The following DLC1 variants were observed in gnomAD, a reference collection of about 807,000 sequenced individuals.
The protein encoded by DLC1 is rho GTPase-activating protein 7.
DLC1 carries 54 observed loss-of-function variants against 140.3 expected under a neutral mutation model. The ratio of observed to expected loss-of-function variants is 0.38; its 90% CI spans 0.31 to 0.48. DLC1 has a LOEUF of 0.48. Ranked by LOEUF, DLC1 falls within the 20% of genes least tolerant of loss-of-function variation. The pLI is 0.96. For synonymous variants in DLC1, 986 were observed against 728.1 expected (o/e 1.35, Z -5.70); for missense variants, 2,536 against 1,907.0 (o/e 1.33, Z -6.14).
chr8:13,232,617 C>G (rs1829102068), intron 5 of DLC1, among the ~76,000 whole-genome samples: 1 of 152,182 alleles, frequency 6.6e-6, no homozygotes, highest in African/African-American at 2.4e-5. Flanking sequence ...AGGCATGAGC[C>G]ACGGTGCCCC....
chr8:13,575,472 G>A (rs73212144), intron 1 of DLC1, among the ~76,000 whole-genome samples: 16,765 of 151,792 alleles, frequency 0.11, 997 homozygotes, highest in Middle Eastern at 0.21. Flanking sequence ...ATCTGGGCTG[G>A]GGCTTGGATA....
At chr8:13,417,450 A>C (rs1838120767) in intron 2 of DLC1, among the ~76,000 whole-genome samples, 1 of 151,238 alleles carries the variant, frequency 6.6e-6, no homozygotes, top group Non-Finnish European at 1.5e-5. Flanking sequence ...ATGAGTGAGA[A>C]TATGTGGTGT....
At chr8:13,338,723 A>C (rs1833908254) in intron 4 of DLC1, 1 of 152,140 alleles carries the variant, frequency 6.6e-6, no homozygotes, top group Admixed American at 6.5e-5. Context: ...TCATCCCAAA[A>C]ACCAGTGGTT....
chr8:13,314,257 C>T (rs961216098), intron 4 of DLC1, among the ~76,000 whole-genome samples: 3 of 147,396 alleles, frequency 2.0e-5, no homozygotes, highest in African/African-American at 7.4e-5. Flanking sequence ...CATGTGTATA[C>T]ATATTATATA....
At chr8:13,585,041 C>T (rs1024795132) in intron 1 of DLC1, among the ~76,000 whole-genome samples, 22 of 152,132 alleles carry the variant, frequency 1.4e-4, no homozygotes, top group African/African-American at 5.3e-4. Context: ...ACTCCTGGAA[C>T]TCTAAATACT....
chr8:13,192,758 A>G (rs1826835744), intron 5 of DLC1, among the ~76,000 whole-genome samples: 1 of 152,176 alleles, frequency 6.6e-6, no homozygotes, highest in African/African-American at 2.4e-5. Context: ...TGGTCTCATA[A>G]GAAGAGGAAG....
At chr8:13,441,873 C>A (rs1051471864) in intron 2 of DLC1, among the ~76,000 whole-genome samples, 3 of 152,182 alleles carry the variant, frequency 2.0e-5, no homozygotes, top group African/African-American at 7.2e-5. Flanking sequence ...TCATATGGAA[C>A]CAAAAAAGGG....
chr8:13,437,676 T>G (rs142134788), intron 2 of DLC1, among the ~76,000 whole-genome samples: 1 of 152,298 alleles, frequency 6.6e-6, no homozygotes, highest in African/African-American at 2.4e-5. Context: ...GACAACTGTG[T>G]AGGCAGAGCT....
At chr8:13,172,002 C>A (rs932073281) in intron 5 of DLC1, among the ~76,000 whole-genome samples, 1 of 151,804 alleles carries the variant, frequency 6.6e-6, no homozygotes, top group African/African-American at 2.4e-5. Flanking sequence ...CTAAGAAGAT[C>A]AGTACATCTA....
intron 5 of DLC1, among the ~76,000 whole-genome samples, chr8:13,194,719 G>A (rs1585885480): frequency 6.6e-6 from 1 of 152,198 alleles, no homozygotes; most frequent in African/African-American, 2.4e-5. Flanking sequence ...TTATGGATAA[G>A]AAAGCAGGCT....
chr8:13,289,568 C>G (rs759868021), intron 5 of DLC1, among the ~76,000 whole-genome samples: 3 of 152,136 alleles, frequency 2.0e-5, no homozygotes, highest in Non-Finnish European at 4.4e-5. Context: ...TGGCCTCAAG[C>G]AATCCTCCTG....
At chr8:13,096,270 G>A (rs1190939188) in intron 10 of DLC1, among the ~76,000 whole-genome samples, 1 of 152,176 alleles carries the variant, frequency 6.6e-6, no homozygotes, top group Non-Finnish European at 1.5e-5. Flanking sequence ...TGAGGGTTTG[G>A]TGGGATGGGG....
intron 5 of DLC1, among the ~76,000 whole-genome samples, chr8:13,192,834 A>C (rs575715407): frequency 1.3e-5 from 2 of 152,316 alleles, no homozygotes; most frequent in East Asian, 3.9e-4. Flanking sequence ...GGTCGTCGGC[A>C]AGCAAAGGAG....
At chr8:13,596,837 T>A (rs1237871342) in intron 1 of DLC1, among the ~76,000 whole-genome samples, 1 of 152,024 alleles carries the variant, frequency 6.6e-6, no homozygotes, top group Non-Finnish European at 1.5e-5. Context: ...TCATAGTCAA[T>A]GTCTTAATAA....
chr8:13,578,610 G>A (rs983243977), intron 1 of DLC1, among the ~76,000 whole-genome samples: 2 of 152,174 alleles, frequency 1.3e-5, no homozygotes, highest in Non-Finnish European at 2.9e-5. Context: ...AGGGTTCCCA[G>A]GACCCTCTCC....
intron 1 of DLC1, among the ~76,000 whole-genome samples, chr8:13,590,823 A>G (rs1338404754): frequency 6.6e-6 from 1 of 152,132 alleles, no homozygotes; most frequent in Non-Finnish European, 1.5e-5. Flanking sequence ...TTTGTTTTCT[A>G]TCAATGTAAT....
intron 1 of DLC1, among the ~76,000 whole-genome samples, chr8:13,595,901 A>C (rs541839704): frequency 1.3e-5 from 2 of 152,102 alleles, no homozygotes; most frequent in Admixed American, 1.3e-4. Context: ...ACGTTACCAC[A>C]TCAGAATTTT....
chr8:13,163,518 A>G (rs6651390), intron 5 of DLC1, among the ~76,000 whole-genome samples: 99,460 of 151,988 alleles, frequency 0.65, 33,581 homozygotes, highest in East Asian at 0.86. Context: ...GCCTGTGACA[A>G]CACCAGTCAC....
chr8:13,567,138 G>A, intron 1 of DLC1: 1 of 1,551,750 alleles, frequency 6.4e-7, no homozygotes, highest in South Asian at 1.2e-5. Flanking sequence ...CCTCGCCCCT[G>A]ACCTCTGGGA....
Sources: allele counts gnomAD v4.1 joint callset (sites outside exome capture counted in the v4.1 genomes callset), GRCh38; gene constraint gnomAD v4.1.1; transcripts MANE v1.5; gene names NCBI Gene and HGNC (gene_info 2026-07-23, HGNC 2026-07-21).